Variants in ATP11A observed in about 807,000 individuals in gnomAD.
ATP11A encodes phospholipid-transporting ATPase IH.
In ATP11A, 81 loss-of-function variants were observed where a neutral mutation model predicts 154.4. That is an observed-to-expected ratio of 0.52 (90% CI 0.44 to 0.63). ATP11A has a LOEUF of 0.63. ATP11A is among the 30% of genes least tolerant of loss of function. ATP11A has a pLI of 0.00. For missense variants in ATP11A, 1,316 were observed against 1,474.3 expected, an observed-to-expected ratio of 0.89 and a Z score of 1.76; for synonymous variants, 623 against 585.9, an observed-to-expected ratio of 1.06 and a Z score of -0.91.
intron 2 of ATP11A, among the ~76,000 whole-genome samples, chr13:112,797,984 G>T (rs1387553402): frequency 1.3e-5 from 2 of 152,322 alleles, no homozygotes; most frequent in African/African-American, 4.8e-5. Context: ...TGTCTGGTGA[G>T]GGCCCCATCT....
Position 112,854,271 on chromosome 13 carries a change from T to C in ATP11A, c.1992-8T>C. 1 of 1,613,428 alleles carries C rather than the reference T, an allele frequency of 6.2e-7. No homozygotes were observed. The highest frequency in any genetic ancestry group is 8.5e-7 in the Non-Finnish European group (1 of 1,179,658). On this transcript the variant is annotated splice_polypyrimidine_tract_variant and splice_region_variant and intron_variant, in intron 18 of 29. Coordinates refer to ENST00000375645, the MANE Select transcript of ATP11A (RefSeq NM_015205.3). ...TCTCTATGCTGTGTTTGGTTTTGCC[T>C]CCCTCAGGCTGCAGGAGAAAGCTGC...
At chr13:112,852,963 G>T (rs950053707) in intron 18 of ATP11A, among the ~76,000 whole-genome samples, 10 of 152,216 alleles carry the variant, frequency 6.6e-5, no homozygotes, top group Non-Finnish European at 1.5e-4. Context: ...GAGCACGCTT[G>T]TAATCCTCGC....
intron 1 of ATP11A, among the ~76,000 whole-genome samples, chr13:112,747,678 G>C (rs145640900): frequency 6.6e-6 from 1 of 152,032 alleles, no homozygotes; most frequent in Non-Finnish European, 1.5e-5. Flanking sequence ...TCTACTAAAA[G>C]TACAAAAATT....
chr13:112,780,142 T>A (rs953668933), intron 1 of ATP11A, among the ~76,000 whole-genome samples: 7 of 152,022 alleles, frequency 4.6e-5, no homozygotes, highest in Non-Finnish European at 1.0e-4. Flanking sequence ...TTGGCAAAAA[T>A]ACTTACAACA....
chr13:112,718,461 G>T (rs933857827), intron 1 of ATP11A, among the ~76,000 whole-genome samples: 1 of 152,108 alleles, frequency 6.6e-6, no homozygotes, highest in Non-Finnish European at 1.5e-5. Context: ...GCCGCCTGCC[G>T]CAAGTTTCAT....
At chr13:112,834,839 T>TA (rs1451310808) in intron 15 of ATP11A, among the ~76,000 whole-genome samples, 179 bp downstream of exon 15, 1 of 152,242 alleles carries the variant, frequency 6.6e-6, no homozygotes, top group East Asian at 1.9e-4. Flanking sequence ...GCTGGACACT[T>TA]AGAGAAGGGC....
intron 2 of ATP11A, among the ~76,000 whole-genome samples, chr13:112,789,965 C>T (rs542094143): frequency 5.9e-5 from 9 of 151,622 alleles, no homozygotes; most frequent in East Asian, 2.0e-4. Context: ...TAATTCACAC[C>T]GGGTGTCCTG....
At position 112,800,142 on chromosome 13, in the gene ATP11A, A is replaced by G. The variant is rs1182985667; in HGVS notation, c.163-4815A>G. Among the ~76,000 whole-genome samples the G allele has an allele frequency of 7.2e-5, 11 of 152,304 alleles. No individual in the cohort carries two copies. In the South Asian group the frequency reaches 1.2e-3, roughly 17 times the overall value. On this transcript the variant is annotated intron_variant, in intron 2 of 29. Coordinates refer to ENST00000375645, the MANE Select transcript of ATP11A (RefSeq NM_015205.3). ...AAACTTAACAAAAAATTAATAATCA[A>G]CATTAGAACAGAAATTAATGAAATT...
chr13:112,752,586 G>C (rs759499303), intron 1 of ATP11A, among the ~76,000 whole-genome samples: 3 of 152,228 alleles, frequency 2.0e-5, no homozygotes, highest in Non-Finnish European at 4.4e-5. Flanking sequence ...CGTCTGACGG[G>C]TTGTGTATTT....
At position 112,792,132 on chromosome 13, in the gene ATP11A, A is replaced by G. The variant is rs76425585; in HGVS notation, c.162+6875A>G. Among the ~76,000 whole-genome samples the G allele has an allele frequency of 6.0e-4, 91 of 152,308 alleles. No homozygotes were observed. The East Asian group carries it at 0.017, about 29-fold the overall frequency. On this transcript the variant is annotated intron_variant, in intron 2 of 29. Coordinates refer to ENST00000375645, the MANE Select transcript of ATP11A (RefSeq NM_015205.3). ...AAGTGGATGAGGTTGTGTAATTTCAAGGGAAAATTACATCCGGCAATACCT... is the reference window on the plus strand; with the variant it reads ...AAGTGGATGAGGTTGTGTAATTTCAGGGGAAAATTACATCCGGCAATACCT...
intron 1 of ATP11A, among the ~76,000 whole-genome samples, chr13:112,768,274 G>A (rs371536276): frequency 2.6e-5 from 4 of 152,238 alleles, no homozygotes; most frequent in Admixed American, 6.5e-5. Context: ...CAGCGTCTTC[G>A]CTTTCACTTC....
intron 1 of ATP11A, among the ~76,000 whole-genome samples, chr13:112,718,901 A>T (rs1341187396): frequency 1.3e-5 from 2 of 151,988 alleles, no homozygotes; most frequent in East Asian, 3.9e-4. Flanking sequence ...GCTGGTCTCG[A>T]ACGTCTGACC....
chr13:112,828,975 G>A (rs1337901707), intron 12 of ATP11A, among the ~76,000 whole-genome samples: 1 of 152,252 alleles, frequency 6.6e-6, no homozygotes, highest in Non-Finnish European at 1.5e-5. Flanking sequence ...TGGAGATCCT[G>A]TGCCAGAAGC....
At chr13:112,755,261 T>C (rs2076793015) in intron 1 of ATP11A, among the ~76,000 whole-genome samples, 1 of 152,186 alleles carries the variant, frequency 6.6e-6, no homozygotes, top group African/African-American at 2.4e-5. Context: ...GGGCCTCTGC[T>C]TCACAGGTCA....
chr13:112,729,463 A>T lies in ATP11A; in HGVS notation c.39+39008A>T, dbSNP rs533165626. Among the ~76,000 whole-genome samples the T allele has an allele frequency of 1.9e-3, 286 of 150,870 alleles. 2 individuals are homozygous for T. The highest frequency in any genetic ancestry group is 7.0e-3 in the Middle Eastern group (2 of 284). On this transcript the variant is annotated intron_variant, in intron 1 of 29. Coordinates refer to ENST00000375645, the MANE Select transcript of ATP11A (RefSeq NM_015205.3). ...AGCGCGGTTCCCACCTCGGCATTGC[A>T]GGCCCAGAGTATCTAACGCGTCTGC...
intron 1 of ATP11A, among the ~76,000 whole-genome samples, chr13:112,729,175 GGT>G (rs1418991237): frequency 2.6e-5 from 4 of 152,144 alleles, no homozygotes; most frequent in Non-Finnish European, 1.5e-5. Context: ...TATCATCCCG[GGT>G]GCTCCTGGAC....
chr13:112,823,923 G>A (rs1462563196), intron 9 of ATP11A, among the ~76,000 whole-genome samples: 1 of 152,158 alleles, frequency 6.6e-6, no homozygotes, highest in Non-Finnish European at 1.5e-5. Flanking sequence ...GTCTGCCCCT[G>A]TAGTTCACAT....
intron 1 of ATP11A, among the ~76,000 whole-genome samples, chr13:112,692,950 G>A (rs1422286645): frequency 6.6e-6 from 1 of 152,116 alleles, no homozygotes; most frequent in Non-Finnish European, 1.5e-5. Context: ...TTATTAAAAA[G>A]GATAGATAAA....
chr13:112,718,480 C>A (rs369495038), intron 1 of ATP11A, among the ~76,000 whole-genome samples: 3 of 152,128 alleles, frequency 2.0e-5, no homozygotes, highest in Admixed American at 1.3e-4. Flanking sequence ...ATGTGAAATA[C>A]CCCCAGAGGG....
Sources: allele counts gnomAD v4.1 joint callset (sites outside exome capture counted in the v4.1 genomes callset), GRCh38; gene constraint gnomAD v4.1.1; transcripts MANE v1.5; gene names NCBI Gene and HGNC (gene_info 2026-07-23, HGNC 2026-07-21).